Variants in KCNAB1 observed in about 807,000 individuals in gnomAD.
KCNAB1 encodes the protein potassium voltage-gated channel subfamily A regulatory beta subunit 1, also known as voltage-gated potassium channel subunit beta-1.
A neutral mutation model predicts 64.6 loss-of-function variants in KCNAB1; 35 were observed. The observed-to-expected ratio is 0.54, with a 90% CI of 0.41 to 0.72. The LOEUF (loss-of-function observed/expected upper bound fraction) is 0.72, where lower values mean the gene tolerates loss of function less well. KCNAB1 is among the 30% of genes least tolerant of loss of function. The pLI is 0.00. For missense variants in KCNAB1, 401 were observed against 512.9 expected (o/e 0.78, Z 2.11); for synonymous variants, 177 against 183.8 (o/e 0.96, Z 0.30).
chr3:156,152,403 G>A (rs1039616891), intron 1 of KCNAB1, among the ~76,000 whole-genome samples: 2 of 152,174 alleles, frequency 1.3e-5, no homozygotes, highest in South Asian at 2.1e-4. Flanking sequence ...AGTGGCAGCC[G>A]AAGGAGAGGC....
At chr3:156,250,802 C>A (rs1201757031) in intron 1 of KCNAB1, among the ~76,000 whole-genome samples, 1 of 152,230 alleles carries the variant, frequency 6.6e-6, no homozygotes, top group East Asian at 1.9e-4. Flanking sequence ...AGGTCATAGT[C>A]AGATCTCTCT....
chr3:156,248,498 C>T (rs999583826), intron 1 of KCNAB1, among the ~76,000 whole-genome samples: 10 of 112,394 alleles, frequency 8.9e-5, no homozygotes, highest in African/African-American at 3.1e-4. Context: ...TTTTTGGTAA[C>T]AGACCCCTCT....
At chr3:156,227,779 T>A (rs1406274546) in intron 1 of KCNAB1, 1 of 152,264 alleles carries the variant, frequency 6.6e-6, no homozygotes, top group Non-Finnish European at 1.5e-5. Context: ...AAACGCCCTT[T>A]TAGGGCACCA....
chr3:156,482,706 A>G (rs139165946), intron 8 of KCNAB1, among the ~76,000 whole-genome samples: 2 of 152,210 alleles, frequency 1.3e-5, no homozygotes, highest in African/African-American at 2.4e-5. Context: ...TCTTATCTGT[A>G]GAACGTAGGT....
At chr3:156,343,449 T>C (rs1055555607) in intron 1 of KCNAB1, among the ~76,000 whole-genome samples, 1 of 152,198 alleles carries the variant, frequency 6.6e-6, no homozygotes, top group African/African-American at 2.4e-5. Context: ...CCATGAAGTA[T>C]ACTCAGAGAC....
At chr3:156,381,288 G>A (rs1712139760) in intron 1 of KCNAB1, among the ~76,000 whole-genome samples, 1 of 152,154 alleles carries the variant, frequency 6.6e-6, no homozygotes, top group South Asian at 2.1e-4. Context: ...AAAGGAGAAA[G>A]AACATTTTTG....
intron 1 of KCNAB1, among the ~76,000 whole-genome samples, chr3:156,194,805 C>T (rs753651998): frequency 5.3e-5 from 8 of 152,050 alleles, no homozygotes; most frequent in Non-Finnish European, 1.0e-4. Context: ...TTCTGGGATA[C>T]GTGTGAAGAA....
intron 1 of KCNAB1, among the ~76,000 whole-genome samples, chr3:156,231,501 T>TC (rs1716525954): frequency 6.8e-5 from 1 of 14,614 alleles, no homozygotes; most frequent in Non-Finnish European, 1.4e-4. Flanking sequence ...CTCCCCTCCC[T>TC]CCCTCCCTCC....
At chr3:156,192,195 GTTCA>G (rs1713603732) in intron 1 of KCNAB1, among the ~76,000 whole-genome samples, 1 of 152,116 alleles carries the variant, frequency 6.6e-6, no homozygotes. Flanking sequence ...TGTAGCATGA[GTTCA>G]TTCTTTTTAT....
intron 8 of KCNAB1, among the ~76,000 whole-genome samples, chr3:156,492,884 C>T (rs1576936267): frequency 6.6e-6 from 1 of 152,078 alleles, no homozygotes; most frequent in African/African-American, 2.4e-5. Context: ...GAGTGCACAG[C>T]TACGTAAGTT....
intron 1 of KCNAB1, among the ~76,000 whole-genome samples, chr3:156,401,751 A>C (rs1278845383): frequency 6.6e-6 from 1 of 152,236 alleles, no homozygotes; most frequent in Non-Finnish European, 1.5e-5. Context: ...GTCCAAAATG[A>C]GCCAAATTAA....
intron 1 of KCNAB1, among the ~76,000 whole-genome samples, chr3:156,370,072 T>C (rs1348515003): frequency 6.6e-6 from 1 of 152,210 alleles, no homozygotes; most frequent in Non-Finnish European, 1.5e-5. Flanking sequence ...TCTGGACAGT[T>C]TGTGCCTTCT....
chr3:156,324,079 A>G (rs1469686733), intron 1 of KCNAB1, among the ~76,000 whole-genome samples: 2 of 151,970 alleles, frequency 1.3e-5, no homozygotes, highest in African/African-American at 4.8e-5. Context: ...CTTCCTCAGG[A>G]CTGCACATAT....
At chr3:156,429,152 C>T (rs1716034331) in intron 2 of KCNAB1, among the ~76,000 whole-genome samples, 1 of 152,212 alleles carries the variant, frequency 6.6e-6, no homozygotes, top group Admixed American at 6.5e-5. Context: ...ATGTGTTTTT[C>T]AAATGCTGCC....
At chr3:156,484,832 C>T (rs1302651385) in intron 8 of KCNAB1, among the ~76,000 whole-genome samples, 1 of 147,532 alleles carries the variant, frequency 6.8e-6, no homozygotes, top group African/African-American at 2.5e-5. Context: ...TTTGTTAACC[C>T]CCCTCCTGAA....
At chr3:156,344,905 G>A (rs1030801447) in intron 1 of KCNAB1, among the ~76,000 whole-genome samples, 7 of 152,054 alleles carry the variant, frequency 4.6e-5, no homozygotes, top group Non-Finnish European at 8.8e-5. Context: ...AGAAGGTATC[G>A]CCTCTTCCTC....
At chr3:156,532,791 C>T (rs1718793103) in intron 13 of KCNAB1, among the ~76,000 whole-genome samples, 1 of 152,156 alleles carries the variant, frequency 6.6e-6, no homozygotes, top group African/African-American at 2.4e-5. Context: ...TTCATTTATG[C>T]TCTGGGAAAA....
intron 1 of KCNAB1, among the ~76,000 whole-genome samples, chr3:156,270,953 A>T (rs1257322723): frequency 6.6e-6 from 1 of 152,182 alleles, no homozygotes; most frequent in Non-Finnish European, 1.5e-5. Context: ...TTCATCAGGT[A>T]TACTATTTTA....
intron 8 of KCNAB1, among the ~76,000 whole-genome samples, chr3:156,479,885 C>T (rs1310899291): frequency 6.6e-6 from 1 of 152,100 alleles, no homozygotes; most frequent in Non-Finnish European, 1.5e-5. Flanking sequence ...ATCATCTTGT[C>T]AAATAACCCA....
Sources: gnomAD v4.1 joint callset for allele counts (sites outside exome capture counted in the v4.1 genomes callset) on GRCh38, gnomAD v4.1.1 for gene constraint, MANE v1.5 for transcripts, NCBI Gene and HGNC (gene_info 2026-07-23, HGNC 2026-07-21) for gene names.